PLCL1: variants seen among roughly 807,000 people sequenced by gnomAD.
The protein encoded by PLCL1 is phospholipase C like 1 (inactive).
PLCL1 carries 41 observed loss-of-function variants against 84.4 expected under a neutral mutation model. That is an observed-to-expected ratio of 0.49 (90% CI 0.38 to 0.63). The LOEUF is 0.63. PLCL1 is among the 30% of genes least tolerant of loss of function. The pLI is 0.00. For missense variants in PLCL1, 1,206 were observed against 1,367.8 expected, an observed-to-expected ratio of 0.88 and a Z score of 1.87; for synonymous variants, 490 against 488.3, an observed-to-expected ratio of 1.00 and a Z score of -0.05.
chr2:198,072,023 T>C (rs1692477069), intron 1 of PLCL1, among the ~76,000 whole-genome samples: 1 of 151,968 alleles, frequency 6.6e-6, no homozygotes, highest in South Asian at 2.1e-4. Context: ...CCATTGAAAC[T>C]ATCCCATTGG....
intron 5 of PLCL1, among the ~76,000 whole-genome samples, chr2:198,126,991 A>AGTGT (rs368958990): frequency 1.6e-4 from 21 of 129,238 alleles, no homozygotes; most frequent in Non-Finnish European, 2.8e-4. Flanking sequence ...TGAGTGTGTG[A>AGTGT]GTGTGTGTGT....
At chr2:197,929,249 C>G (rs1404264316) in intron 1 of PLCL1, among the ~76,000 whole-genome samples, 1 of 152,158 alleles carries the variant, frequency 6.6e-6, no homozygotes, top group Non-Finnish European at 1.5e-5. Flanking sequence ...GAACCAATCC[C>G]CCATGGATAT....
At chr2:197,919,777 T>C (rs1688670257) in intron 1 of PLCL1, among the ~76,000 whole-genome samples, 1 of 152,220 alleles carries the variant, frequency 6.6e-6, no homozygotes, top group Admixed American at 6.5e-5. Flanking sequence ...TCTGTATGCC[T>C]GATTCTCTGA....
intron 1 of PLCL1, among the ~76,000 whole-genome samples, chr2:198,031,008 C>T (rs10497810): frequency 0.2 from 30,263 of 151,898 alleles, 3,092 homozygotes; most frequent in East Asian, 0.26. Context: ...CTTAATAAAG[C>T]GCTCTAAAAC....
intron 5 of PLCL1, among the ~76,000 whole-genome samples, chr2:198,108,171 T>C (rs190583287): frequency 5.3e-5 from 8 of 152,046 alleles, no homozygotes; most frequent in Non-Finnish European, 1.5e-5. Context: ...TAATAAATGC[T>C]CTTTGTTTAT....
At chr2:198,048,472 C>G (rs1368371579) in intron 1 of PLCL1, among the ~76,000 whole-genome samples, 1 of 152,194 alleles carries the variant, frequency 6.6e-6, no homozygotes, top group Non-Finnish European at 1.5e-5. Context: ...TGACCTGGCT[C>G]ACAGTTCTGC....
chr2:198,098,199 C>G (rs1333208227), intron 3 of PLCL1, among the ~76,000 whole-genome samples: 1 of 152,068 alleles, frequency 6.6e-6, no homozygotes, highest in African/African-American at 2.4e-5. Context: ...CAAAAAAAGT[C>G]TAGAGTAGAT....
At chr2:198,026,458 A>G (rs1401903379) in intron 1 of PLCL1, among the ~76,000 whole-genome samples, 2 of 152,182 alleles carry the variant, frequency 1.3e-5, no homozygotes, top group Non-Finnish European at 2.9e-5. Context: ...AGTAGTTGTT[A>G]TCATTTCTAT....
intron 1 of PLCL1, among the ~76,000 whole-genome samples, chr2:197,827,246 G>A (rs867378540): frequency 2.6e-5 from 4 of 152,016 alleles, no homozygotes; most frequent in African/African-American, 7.3e-5. Context: ...ATCCCTTTAC[G>A]TGGGTCAGGA....
intron 5 of PLCL1, among the ~76,000 whole-genome samples, chr2:198,144,801 G>A (rs549254037): frequency 5.9e-5 from 9 of 152,186 alleles, no homozygotes; most frequent in Admixed American, 2.6e-4. Flanking sequence ...TTTTATCTGC[G>A]TTGCTTCCAT....
In PLCL1 at chr2:198,084,108, C is replaced by T. The variant is rs754124133; in HGVS notation, c.591C>T (p.Asn197=). 5.6e-6 allele frequency: 9 copies of T among 1,614,032 alleles called. No individual in the cohort carries two copies. In the African/African-American group the frequency reaches 1.1e-4, roughly 19 times the overall value. The change falls in exon 2 of 6, where the codon AAC becomes AAT. Residue 197 remains asparagine (N), a synonymous_variant. Coordinates refer to ENST00000428675, the MANE Select transcript of PLCL1 (RefSeq NM_006226.4). Reference sequence around the variant, plus strand: ...CCTTTTCCATACTCCACGGGGAAAACTATGAGTCTCTGGACCTAGTTGCCA... The same window carrying T: ...CCTTTTCCATACTCCACGGGGAAAATTATGAGTCTCTGGACCTAGTTGCCA... The part of the protein sequence containing the change: ...DCAFSILHGE[N]YESLDLVANS...
intron 5 of PLCL1, among the ~76,000 whole-genome samples, chr2:198,106,902 C>A (rs1038800913): frequency 6.6e-6 from 1 of 151,766 alleles, no homozygotes. Context: ...TAGTAAACAG[C>A]CAGCCTGCAA....
chr2:198,078,721 A>C (rs1421863182), intron 1 of PLCL1, among the ~76,000 whole-genome samples: 1 of 152,116 alleles, frequency 6.6e-6, no homozygotes, highest in Non-Finnish European at 1.5e-5. Flanking sequence ...TGCTTAAAAA[A>C]AACTTGCCAA....
intron 1 of PLCL1, among the ~76,000 whole-genome samples, chr2:197,922,977 A>G (rs1688742531): frequency 2.1e-5 from 2 of 95,080 alleles, no homozygotes; most frequent in Non-Finnish European, 4.2e-5. Context: ...TCCCTCCCGG[A>G]CCGGGCGGCT....
intron 1 of PLCL1, among the ~76,000 whole-genome samples, chr2:197,923,155 C>T (rs1688748052): frequency 1.5e-5 from 2 of 135,260 alleles, no homozygotes; most frequent in South Asian, 2.5e-4. Flanking sequence ...TAGGGGCGGC[C>T]GGGCAGAGGC....
chr2:197,835,777 T>G (rs1691174428), intron 1 of PLCL1, among the ~76,000 whole-genome samples: 1 of 152,260 alleles, frequency 6.6e-6, no homozygotes, highest in Non-Finnish European at 1.5e-5. Flanking sequence ...TAATAAATGA[T>G]ATTAGAAATA....
At chr2:198,090,637 G>A (rs538598724) in intron 3 of PLCL1, among the ~76,000 whole-genome samples, 6 of 152,268 alleles carry the variant, frequency 3.9e-5, no homozygotes, top group African/African-American at 1.2e-4. Context: ...CCTATTACCT[G>A]TATCTCATTT....
At chr2:198,074,679 C>T (rs1486507242) in intron 1 of PLCL1, among the ~76,000 whole-genome samples, 1 of 152,076 alleles carries the variant, frequency 6.6e-6, no homozygotes, top group African/African-American at 2.4e-5. Flanking sequence ...CCTGAAAAGT[C>T]GCAAGGAAGG....
Position 198,146,806 on chromosome 2 carries a change from C to A in PLCL1, c.3132C>A (p.Ala1044=). ...GCCAAGGAGATCTGTTGAAGAATGC[C>A]AAGAATGAAGCTATAGAAAACATGA... The part of the protein sequence containing the change: ...LKGQGDLLKN[A]KNEAIENMKQ... Residue 1044 remains alanine, a synonymous_variant, in exon 6 of 6, where the codon GCC becomes GCA. Coordinates refer to ENST00000428675, the MANE Select transcript of PLCL1 (RefSeq NM_006226.4). The A allele has an allele frequency of 6.2e-7, 1 of 1,612,742 alleles. No individual in the cohort carries two copies.
Sources: allele counts gnomAD v4.1 joint callset (sites outside exome capture counted in the v4.1 genomes callset), GRCh38; gene constraint gnomAD v4.1.1; transcripts MANE v1.5; gene names NCBI Gene and HGNC (gene_info 2026-07-23, HGNC 2026-07-21).